Variants in ZRANB3 observed in about 807,000 individuals in gnomAD.
ZRANB3 encodes the protein zinc finger RANBP2-type containing 3.
ZRANB3 carries 125 observed loss-of-function variants against 133.8 expected under a neutral mutation model. The observed-to-expected ratio is 0.93, with a 90% CI of 0.81 to 1.08. The LOEUF is 1.08. ZRANB3 is among the 50% of genes least tolerant of loss of function. The probability of loss-of-function intolerance (pLI) is 0.00; values close to 1 mark genes in which losing one functional copy is unlikely to be tolerated. For synonymous variants in ZRANB3, 387 were observed against 432.7 expected (o/e 0.89, Z 1.31); for missense variants, 1,229 against 1,275.5 (o/e 0.96, Z 0.56).
chr2:135,260,867 T>C (rs2105106727), intron 12 of ZRANB3, among the ~76,000 whole-genome samples: 1 of 145,850 alleles, frequency 6.9e-6, no homozygotes, highest in East Asian at 2.0e-4. Context: ...ATATTTGATA[T>C]ATATAATATA....
chr2:135,419,529 C>T (rs1688743070), intron 2 of ZRANB3, among the ~76,000 whole-genome samples: 1 of 151,976 alleles, frequency 6.6e-6, no homozygotes, highest in African/African-American at 2.4e-5. Flanking sequence ...CTGTATGCAT[C>T]TGTAGGGAGG....
At chr2:135,249,741 C>T (rs573410593) in intron 12 of ZRANB3, among the ~76,000 whole-genome samples, 107 of 152,262 alleles carry the variant, frequency 7.0e-4, no homozygotes, top group Middle Eastern at 6.8e-3. Context: ...TTTCTCTTGC[C>T]GCTGCCATAT....
In ZRANB3 at chr2:135,198,041, T is replaced by G. The variant is rs1293388735; in HGVS notation, c.*2301A>C. On this transcript the variant is annotated 3_prime_UTR_variant, in exon 21 of 21. Transcript: ENST00000264159. ...AGTCTTTTCAGAGCCAGGCCTATCC[T>G]TTTACACTCATTGTACCCACCTGTG... 2 of 152,280 alleles carry G rather than the reference T, an allele frequency of 1.3e-5. No homozygotes were observed. The highest frequency in any genetic ancestry group is 2.9e-5 in the Non-Finnish European group (2 of 68,112). The allele number at this position is 152,280 out of a possible 1,614,324, so 9.4% of individuals were successfully genotyped here.
chr2:135,315,568 T>A, intron 6 of ZRANB3, 38 bp from the exon 7 acceptor site: 1 of 1,347,642 alleles, frequency 7.4e-7, no homozygotes, highest in Non-Finnish European at 9.7e-7. Context: ...CAAAATTGAA[T>A]GCTGGAGTTA....
At chr2:135,467,509 T>C (rs969400730) in intron 2 of ZRANB3, among the ~76,000 whole-genome samples, 2 of 152,214 alleles carry the variant, frequency 1.3e-5, no homozygotes, top group African/African-American at 4.8e-5. Context: ...CCAGGGGGTG[T>C]TCCTTCTGGC....
At chr2:135,508,005 G>A (rs980209540) in intron 1 of ZRANB3, among the ~76,000 whole-genome samples, 1 of 151,928 alleles carries the variant, frequency 6.6e-6, no homozygotes, top group African/African-American at 2.4e-5. Context: ...AAAACAAAAC[G>A]ACTCCTTTAC....
chr2:135,375,205 T>C lies in ZRANB3; in HGVS notation c.180+15597A>G, dbSNP rs920357414. Among the ~76,000 whole-genome samples, 5 of 152,172 alleles carry C rather than the reference T, an allele frequency of 3.3e-5. 1 individual carries two copies. The South Asian group carries it at 1.0e-3, about 32-fold the overall frequency. On this transcript the variant is annotated intron_variant, in intron 3 of 20. Transcript: ENST00000264159. ...TCACGCTTGCCACATTCTTCAAAAC[T>C]GAAGAATGTATTGAAGGATTACTTT...
intron 12 of ZRANB3, among the ~76,000 whole-genome samples, chr2:135,232,342 T>C (rs1488196038): frequency 6.6e-6 from 1 of 152,212 alleles, no homozygotes; most frequent in Non-Finnish European, 1.5e-5. Flanking sequence ...CCTGCCTGCC[T>C]CTGTAGACTC....
intron 2 of ZRANB3, among the ~76,000 whole-genome samples, chr2:135,402,404 C>T (rs966222824): frequency 5.3e-5 from 8 of 151,606 alleles, no homozygotes; most frequent in African/African-American, 1.9e-4. Flanking sequence ...AAGTGATTCT[C>T]CTGCCTCAGT....
Position 135,408,723 on chromosome 2 carries a change from G to A in ZRANB3, c.162-17903C>T, listed in dbSNP as rs542328135. ...CATCATTCTCAGCAAACTATCGCAA[G>A]GACAAAAAACTGAACACTGCATGTT... On this transcript the variant is annotated intron_variant, in intron 2 of 20. Coordinates refer to ENST00000264159, the MANE Select transcript of ZRANB3 (RefSeq NM_032143.4). 1.4e-4 allele frequency among the ~76,000 whole-genome samples: 21 copies of A among 152,080 alleles called. No homozygotes were observed. The South Asian group carries it at 3.7e-3, about 27-fold the overall frequency.
intron 2 of ZRANB3, among the ~76,000 whole-genome samples, chr2:135,401,740 CAAG>C (rs1293940161): frequency 1.3e-5 from 2 of 152,226 alleles, no homozygotes; most frequent in Admixed American, 1.3e-4. Context: ...CAGAAAAGGA[CAAG>C]AAGATTGGAA....
At chr2:135,518,825 A>G (rs1693804443) in intron 1 of ZRANB3, among the ~76,000 whole-genome samples, 1 of 151,998 alleles carries the variant, frequency 6.6e-6, no homozygotes, top group Non-Finnish European at 1.5e-5. Flanking sequence ...CGCTTCCCCT[A>G]CTGAGAAGAT....
intron 1 of ZRANB3, among the ~76,000 whole-genome samples, chr2:135,525,513 A>G (rs1489896552): frequency 6.6e-6 from 1 of 152,244 alleles, no homozygotes; most frequent in Non-Finnish European, 1.5e-5. Context: ...AACCTAGTCT[A>G]TTCAGCAATC....
chr2:135,435,413 T>C (rs1292856796), intron 2 of ZRANB3, among the ~76,000 whole-genome samples: 2 of 152,358 alleles, frequency 1.3e-5, no homozygotes, highest in African/African-American at 2.4e-5. Flanking sequence ...TTTAGGTTGA[T>C]TCCATGTCTT....
chr2:135,471,550 G>C (rs115276465), intron 2 of ZRANB3, among the ~76,000 whole-genome samples: 1 of 152,014 alleles, frequency 6.6e-6, no homozygotes, highest in Non-Finnish European at 1.5e-5. Context: ...ACAAAATATC[G>C]TAACTATTTT....
chr2:135,435,556 G>A (rs534461818), intron 2 of ZRANB3, among the ~76,000 whole-genome samples: 14 of 152,304 alleles, frequency 9.2e-5, no homozygotes, highest in Non-Finnish European at 1.6e-4. Context: ...TTAGCTCTTT[G>A]AGGAATCACC....
chr2:135,316,959 C>T (rs1181146831), intron 6 of ZRANB3, among the ~76,000 whole-genome samples: 2 of 124,132 alleles, frequency 1.6e-5, no homozygotes, highest in East Asian at 2.2e-4. Flanking sequence ...AGCGAGATTC[C>T]GTCTCGAGAA....
rs540558913 is a variant in ZRANB3, at chr2:135,471,431, C to T, written c.161+32898G>A. 3.3e-5 allele frequency among the ~76,000 whole-genome samples: 5 copies of T among 152,140 alleles called. No homozygotes were observed. In the South Asian group the frequency reaches 6.2e-4, roughly 19 times the overall value. On this transcript the variant is annotated intron_variant, in intron 2 of 20. Transcript: ENST00000264159. ...AGTATTTTATAAAATGTGCAAACAA[C>T]CAAATTATTACTATGTCAGCAACAA...
At chr2:135,206,800 C>T (rs2105037842) in intron 19 of ZRANB3, among the ~76,000 whole-genome samples, 1 of 151,738 alleles carries the variant, frequency 6.6e-6, no homozygotes, top group Admixed American at 6.6e-5. Context: ...GGAAGGAGGT[C>T]TTTACCTGTG....
Sources: gnomAD v4.1 joint callset for allele counts (sites outside exome capture counted in the v4.1 genomes callset) on GRCh38, gnomAD v4.1.1 for gene constraint, MANE v1.5 for transcripts, NCBI Gene and HGNC (gene_info 2026-07-23, HGNC 2026-07-21) for gene names.